The following TTC28 variants were observed in gnomAD, a reference collection of about 807,000 sequenced individuals.
TTC28 encodes tetratricopeptide repeat domain 28, also known as tetratricopeptide repeat protein 28.
TTC28 carries 61 observed loss-of-function variants against 198.0 expected under a neutral mutation model. That is an observed-to-expected ratio of 0.31 (90% CI 0.25 to 0.38). The LOEUF is 0.38. TTC28 is among the 10% of genes least tolerant of loss of function. The probability of loss-of-function intolerance (pLI) is 1.00; values close to 1 mark genes in which losing one functional copy is unlikely to be tolerated. For missense variants in TTC28, 2,678 were observed against 3,164.0 expected, an observed-to-expected ratio of 0.85 and a Z score of 3.69; for synonymous variants, 1,171 against 1,297.8, an observed-to-expected ratio of 0.90 and a Z score of 2.10.
chr22:28,635,617 A>C (rs2051256873), intron 1 of TTC28, among the ~76,000 whole-genome samples: 1 of 152,176 alleles, frequency 6.6e-6, no homozygotes, highest in East Asian at 1.9e-4. Context: ...ACATATAATT[A>C]CTACATACAT....
intron 2 of TTC28, among the ~76,000 whole-genome samples, chr22:28,505,167 G>A (rs1601481756): frequency 7.1e-6 from 1 of 141,130 alleles, no homozygotes; most frequent in East Asian, 2.2e-4. Context: ...TGAGGCAGGA[G>A]AACTGCTTGA....
intron 2 of TTC28, among the ~76,000 whole-genome samples, chr22:28,517,010 G>A: frequency 6.6e-6 from 1 of 152,148 alleles, no homozygotes; most frequent in East Asian, 1.9e-4. Context: ...TTATACTTGA[G>A]GAACTTAGAC....
rs1388888717 is a variant in TTC28, at chr22:28,608,380, C to T, written c.381+21172G>A. 1.3e-5 allele frequency among the ~76,000 whole-genome samples: 2 copies of T among 152,176 alleles called. 1 individual carries two copies. Among genetic ancestry groups the T allele is most frequent in the South Asian group, 4.1e-4 (2 of 4,838 alleles). On this transcript the variant is annotated intron_variant, in intron 2 of 22. Coordinates refer to ENST00000397906, the MANE Select transcript of TTC28 (RefSeq NM_001145418.2). ...GAAGTTCCATTCACAAGACTGTATT[C>T]GGCCTAACTCAGAGGTAGCTGTGTG...
intron 2 of TTC28, among the ~76,000 whole-genome samples, chr22:28,553,784 G>T (rs1427841968): frequency 6.6e-6 from 1 of 151,514 alleles, no homozygotes. Flanking sequence ...CAGCCACCCC[G>T]TCCGGGAGGT....
intron 2 of TTC28, among the ~76,000 whole-genome samples, chr22:28,443,771 G>A (rs1482924581): frequency 6.6e-6 from 1 of 152,044 alleles, no homozygotes; most frequent in Non-Finnish European, 1.5e-5. Flanking sequence ...AGTAAAGCAT[G>A]CAGTTTCAGA....
chr22:28,624,519 A>C (rs1329794271), intron 2 of TTC28, among the ~76,000 whole-genome samples: 1 of 152,226 alleles, frequency 6.6e-6, no homozygotes, highest in Non-Finnish European at 1.5e-5. Context: ...GAAAGAAACA[A>C]TTACCAAAAC....
intron 2 of TTC28, among the ~76,000 whole-genome samples, chr22:28,455,573 C>T (rs1040748867): frequency 3.3e-5 from 5 of 151,834 alleles, no homozygotes; most frequent in Admixed American, 1.3e-4. Context: ...ATTGGCCAGG[C>T]GTGGCCTGTG....
chr22:28,538,303 G>A (rs2049337073), intron 2 of TTC28, among the ~76,000 whole-genome samples: 1 of 152,030 alleles, frequency 6.6e-6, no homozygotes, highest in Admixed American at 6.6e-5. Flanking sequence ...GCCCAGGCTG[G>A]TCTCGAACTC....
rs140381344 is a variant in TTC28, at chr22:28,641,599, C to A, written c.103-11769G>T. Among the ~76,000 whole-genome samples, 323 of 152,208 alleles carry A rather than the reference C, an allele frequency of 2.1e-3. 1 individual carries two copies. The highest frequency in any genetic ancestry group is 6.3e-3 in the African/African-American group (261 of 41,530). ...AGAATTAGATAGTGGTATGGTTGAACAACCTTGTGAAAATACTAAAAACCA... is the reference window on the plus strand; with the variant it reads ...AGAATTAGATAGTGGTATGGTTGAAAAACCTTGTGAAAATACTAAAAACCA... On this transcript the variant is annotated intron_variant, in intron 1 of 22. Coordinates refer to ENST00000397906, the MANE Select transcript of TTC28 (RefSeq NM_001145418.2).
intron 1 of TTC28, among the ~76,000 whole-genome samples, chr22:28,662,817 A>G (rs1163168643): frequency 6.6e-6 from 1 of 152,234 alleles, no homozygotes; most frequent in Non-Finnish European, 1.5e-5. Flanking sequence ...ATTATGTGAC[A>G]GTGGAGCAAT....
chr22:28,014,460 C>T, intron 13 of TTC28, 68 bp from the exon 14 acceptor site: 2 of 1,468,904 alleles, frequency 1.4e-6, no homozygotes, highest in East Asian at 2.5e-5. Flanking sequence ...CCTGGCCCTC[C>T]AAGCCATGCC....
chr22:28,191,274 C>T (rs1476791921), intron 5 of TTC28, among the ~76,000 whole-genome samples: 1 of 152,204 alleles, frequency 6.6e-6, no homozygotes, highest in East Asian at 1.9e-4. Context: ...TAAAGAATTA[C>T]CAACTAAATA....
intron 2 of TTC28, among the ~76,000 whole-genome samples, chr22:28,598,742 C>G (rs957637023): frequency 2.6e-5 from 4 of 152,176 alleles, no homozygotes; most frequent in Admixed American, 2.6e-4. Flanking sequence ...GTATAGGAAA[C>G]AAACTCTCTT....
At chr22:28,159,034 C>G (rs1943823581) in intron 6 of TTC28, among the ~76,000 whole-genome samples, 1 of 152,072 alleles carries the variant, frequency 6.6e-6, no homozygotes, top group Non-Finnish European at 1.5e-5. Flanking sequence ...GATTAATAAC[C>G]AGAATATATA....
intron 2 of TTC28, among the ~76,000 whole-genome samples, chr22:28,535,478 T>A (rs899245768): frequency 6.6e-6 from 1 of 152,252 alleles, no homozygotes; most frequent in African/African-American, 2.4e-5. Flanking sequence ...ATTTTATACC[T>A]TTGAGATTCA....
At chr22:28,024,078 C>A (rs1199022837) in intron 13 of TTC28, among the ~76,000 whole-genome samples, 1 of 152,030 alleles carries the variant, frequency 6.6e-6, no homozygotes, top group Non-Finnish European at 1.5e-5. Context: ...TAACACACAG[C>A]ACCCTGCTAG....
intron 12 of TTC28, among the ~76,000 whole-genome samples, chr22:28,064,607 A>G (rs910170606): frequency 6.6e-6 from 1 of 152,162 alleles, no homozygotes; most frequent in African/African-American, 2.4e-5. Flanking sequence ...TCCATAAAAT[A>G]TCATATATAA....
intron 2 of TTC28, among the ~76,000 whole-genome samples, chr22:28,474,708 T>C (rs962092382): frequency 2.0e-4 from 31 of 152,198 alleles, no homozygotes; most frequent in African/African-American, 7.5e-4. Flanking sequence ...TCTAAGTATA[T>C]AGCGCAGCCA....
At chr22:28,523,296 A>G (rs2048943862) in intron 2 of TTC28, among the ~76,000 whole-genome samples, 1 of 152,252 alleles carries the variant, frequency 6.6e-6, no homozygotes, top group Non-Finnish European at 1.5e-5. Context: ...AAGAATAGTA[A>G]TAATAGTCAC....
Sources: gnomAD v4.1 joint callset for allele counts (sites outside exome capture counted in the v4.1 genomes callset) on GRCh38, gnomAD v4.1.1 for gene constraint, MANE v1.5 for transcripts, NCBI Gene and HGNC (gene_info 2026-07-23, HGNC 2026-07-21) for gene names.